The following ULK4 variants were observed in gnomAD, a reference collection of about 807,000 sequenced individuals.
ULK4 encodes the protein unc-51 like kinase 4.
Under a neutral mutation model 160.6 loss-of-function variants are expected in ULK4, and 133 were observed. The observed-to-expected ratio is 0.83, with a 90% CI of 0.72 to 0.96. The LOEUF (loss-of-function observed/expected upper bound fraction) is 0.96, where lower values mean the gene tolerates loss of function less well. ULK4 is among the 40% of genes least tolerant of loss of function. The pLI is 0.00. For synonymous variants in ULK4, 534 were observed against 539.8 expected (o/e 0.99, Z 0.15); for missense variants, 1,580 against 1,499.5 (o/e 1.05, Z -0.89).
intron 29 of ULK4, among the ~76,000 whole-genome samples, chr3:41,664,264 A>T (rs142265310): frequency 6.6e-6 from 1 of 152,308 alleles, no homozygotes; most frequent in South Asian, 2.1e-4. Context: ...TCACATTCAG[A>T]GACTCGCTAG....
At chr3:41,555,152 C>A (rs988934753) in intron 32 of ULK4, among the ~76,000 whole-genome samples, 2 of 151,920 alleles carry the variant, frequency 1.3e-5, no homozygotes, top group Admixed American at 1.3e-4. Flanking sequence ...AAAGTTAACA[C>A]TAAGAAGTAA....
chr3:41,677,711 T>C (rs184154360), intron 29 of ULK4, among the ~76,000 whole-genome samples: 1 of 152,322 alleles, frequency 6.6e-6, no homozygotes, highest in Admixed American at 6.5e-5. Context: ...TCAATTTAAA[T>C]AGTACGCGGT....
chr3:41,705,256 A>G lies in ULK4; in HGVS notation c.2684T>C (p.Ile895Thr). 1 of 1,613,546 alleles carries G rather than the reference A, an allele frequency of 6.2e-7. No individual in the cohort carries two copies. Among genetic ancestry groups the G allele is most frequent in the Non-Finnish European group, 8.5e-7 (1 of 1,179,748 alleles). ...DSGETNIDGAIGLTASEEFIK... is the reference protein window; with the variant it reads ...DSGETNIDGATGLTASEEFIK... ...AAAATGTTCCAGGGTCTACTCACCT[A>G]TGGCTCCATCTATGTTCGTTTCTCC... The change falls in exon 26 of 37, where the codon ATA becomes ACA. Residue 895 changes from isoleucine to threonine, a missense_variant and splice_region_variant. Coordinates refer to ENST00000301831, the MANE Select transcript of ULK4 (RefSeq NM_017886.4).
chr3:41,455,475 A>G, intron 34 of ULK4, 22 bp downstream of exon 34: 1 of 1,603,000 alleles, frequency 6.2e-7, no homozygotes, highest in Non-Finnish European at 8.5e-7. Flanking sequence ...ATGCCCCAAA[A>G]GACATACAGG....
intron 35 of ULK4, among the ~76,000 whole-genome samples, chr3:41,384,247 T>C (rs2081744146): frequency 6.6e-6 from 1 of 152,090 alleles, no homozygotes; most frequent in Admixed American, 6.6e-5. Flanking sequence ...AAACAATCAT[T>C]CTACTCCAGA....
At chr3:41,253,145 A>C (rs554379830) in intron 35 of ULK4, among the ~76,000 whole-genome samples, 17 of 152,288 alleles carry the variant, frequency 1.1e-4, no homozygotes, top group African/African-American at 4.1e-4. Context: ...AGCTGCTATA[A>C]AAAATTTACT....
At chr3:41,428,549 A>T (rs1033354479) in intron 34 of ULK4, among the ~76,000 whole-genome samples, 1 of 152,204 alleles carries the variant, frequency 6.6e-6, no homozygotes, top group Non-Finnish European at 1.5e-5. Context: ...CCAAAACAGC[A>T]TGGTAATGGC....
chr3:41,769,268 A>C (rs2039272092), intron 21 of ULK4, among the ~76,000 whole-genome samples: 2 of 152,212 alleles, frequency 1.3e-5, no homozygotes, highest in African/African-American at 4.8e-5. Context: ...CCCTACAACT[A>C]GTTGCCTAGG....
intron 33 of ULK4, among the ~76,000 whole-genome samples, chr3:41,459,916 G>T (rs772979842): frequency 1.3e-5 from 2 of 152,144 alleles, no homozygotes; most frequent in African/African-American, 2.4e-5. Flanking sequence ...TATAGATAAT[G>T]AGATGTCACT....
At chr3:41,891,330 C>CGGGG (rs1697952904) in intron 16 of ULK4, among the ~76,000 whole-genome samples, 2 of 51,644 alleles carry the variant, frequency 3.9e-5, no homozygotes, top group African/African-American at 1.9e-4. Context: ...AGGGACGGGA[C>CGGGG]AAGACGGGAC....
chr3:41,797,691 C>T (rs1045626400), intron 20 of ULK4, among the ~76,000 whole-genome samples: 1 of 151,972 alleles, frequency 6.6e-6, no homozygotes, highest in Non-Finnish European at 1.5e-5. Context: ...GAAACCACAT[C>T]TCTACTAAAA....
intron 30 of ULK4, among the ~76,000 whole-genome samples, chr3:41,648,637 A>T (rs1204362746): frequency 6.6e-6 from 1 of 152,064 alleles, no homozygotes; most frequent in Non-Finnish European, 1.5e-5. Flanking sequence ...AAGCATCTCA[A>T]AGCCAAAACA....
chr3:41,249,034 G>C (rs2078696596), intron 36 of ULK4, among the ~76,000 whole-genome samples: 1 of 152,180 alleles, frequency 6.6e-6, no homozygotes, highest in African/African-American at 2.4e-5. Context: ...AGCAGAGCAG[G>C]CTAAGCTGTC....
chr3:41,413,186 C>T (rs2082445441), intron 34 of ULK4, among the ~76,000 whole-genome samples: 1 of 152,108 alleles, frequency 6.6e-6, no homozygotes, highest in Non-Finnish European at 1.5e-5. Context: ...GTGAGACTTA[C>T]TACCAGGGGA....
intron 21 of ULK4, among the ~76,000 whole-genome samples, chr3:41,767,175 G>T (rs1464459981): frequency 6.6e-6 from 1 of 152,010 alleles, no homozygotes; most frequent in African/African-American, 2.4e-5. Flanking sequence ...TTTTTGTCCG[G>T]ATAAGTAAAA....
At chr3:41,440,845 GT>G (rs1177540332) in intron 34 of ULK4, among the ~76,000 whole-genome samples, 1 of 151,942 alleles carries the variant, frequency 6.6e-6, no homozygotes, top group Non-Finnish European at 1.5e-5. Context: ...TATTCAGGTT[GT>G]TTTTTTCTTG....
At chr3:41,358,685 TGGCCA>T (rs1488419542) in intron 35 of ULK4, among the ~76,000 whole-genome samples, 1 of 152,028 alleles carries the variant, frequency 6.6e-6, no homozygotes, top group East Asian at 1.9e-4. Context: ...GGAAGAAAAG[TGGCCA>T]GAGAGGAGGT....
chr3:41,742,741 T>C (rs987751925), intron 22 of ULK4, among the ~76,000 whole-genome samples: 10 of 151,860 alleles, frequency 6.6e-5, no homozygotes, highest in African/African-American at 2.4e-4. Flanking sequence ...ACTAATGAAA[T>C]TGTTTAAAAT....
At chr3:41,851,505 C>T (rs1035184840) in intron 17 of ULK4, among the ~76,000 whole-genome samples, 16 of 152,064 alleles carry the variant, frequency 1.1e-4, no homozygotes, top group African/African-American at 3.6e-4. Flanking sequence ...ATTTTTGCAT[C>T]GATGTTCATC....
Sources: gnomAD v4.1 joint callset for allele counts (sites outside exome capture counted in the v4.1 genomes callset) on GRCh38, gnomAD v4.1.1 for gene constraint, MANE v1.5 for transcripts, NCBI Gene and HGNC (gene_info 2026-07-23, HGNC 2026-07-21) for gene names.